CACNA1E: variants seen among roughly 807,000 people sequenced by gnomAD.
The protein encoded by CACNA1E is calcium voltage-gated channel subunit alpha1 E.
A neutral mutation model predicts 259.2 loss-of-function variants in CACNA1E; 40 were observed. The ratio of observed to expected loss-of-function variants is 0.15; its 90% confidence interval spans 0.12 to 0.20. The LOEUF is 0.20. Among genes scored for constraint, CACNA1E ranks in the 10% least tolerant of loss-of-function variants. CACNA1E has a pLI of 1.00. For missense variants in CACNA1E, 1,874 were observed against 3,040.1 expected (o/e 0.62, Z 9.02); for synonymous variants, 1,104 against 1,138.5 (o/e 0.97, Z 0.61).
chr1:181,705,065 C>T (rs1652661365), intron 7 of CACNA1E, among the ~76,000 whole-genome samples: 1 of 152,190 alleles, frequency 6.6e-6, no homozygotes, highest in Admixed American at 6.5e-5. Context: ...GACCGAAGAC[C>T]CTCCTAGTAT....
intron 3 of CACNA1E, among the ~76,000 whole-genome samples, chr1:181,518,687 A>C (rs1666773414): frequency 6.6e-6 from 1 of 152,002 alleles, no homozygotes. Flanking sequence ...TCATGTATGC[A>C]CTCTGTCTTT....
intron 6 of CACNA1E, among the ~76,000 whole-genome samples, chr1:181,609,127 C>T (rs923500864): frequency 6.6e-6 from 1 of 152,196 alleles, no homozygotes; most frequent in Non-Finnish European, 1.5e-5. Context: ...GGCTACCTCC[C>T]GCCAGTCTCT....
chr1:181,803,178 C>T lies in CACNA1E; in HGVS notation c.*4344C>T, dbSNP rs993606547. The stretch of plus-strand genomic sequence containing the variant: ...AGCTCTCTCACCCAGCCTACAAGTC[C>T]TTCTCTCATAGATCCCAGAGCAATG... On this transcript the variant is annotated 3_prime_UTR_variant, in exon 48 of 48. Coordinates refer to ENST00000367573, the MANE Select transcript of CACNA1E (RefSeq NM_001205293.3). 6.6e-6 allele frequency: 1 copy of T among 152,198 alleles called. No homozygotes were observed. Among genetic ancestry groups the T allele is most frequent in the Non-Finnish European group, 1.5e-5 (1 of 68,064 alleles). 9.4% of individuals were successfully genotyped at this position (152,198 alleles called of 1,614,324 possible).
At chr1:181,679,626 C>T (rs755832810) in intron 7 of CACNA1E, among the ~76,000 whole-genome samples, 1 of 152,170 alleles carries the variant, frequency 6.6e-6, no homozygotes, top group Admixed American at 6.5e-5. Flanking sequence ...AGAGAGGCCA[C>T]ACTCACAAGG....
At chr1:181,706,379 G>A (rs181051076) in intron 7 of CACNA1E, among the ~76,000 whole-genome samples, 8 of 152,204 alleles carry the variant, frequency 5.3e-5, no homozygotes, top group East Asian at 1.9e-4. Context: ...GCTTTGTTTC[G>A]CAGGTCTGGC....
At chr1:181,633,380 C>T (rs1000624500) in intron 6 of CACNA1E, among the ~76,000 whole-genome samples, 4 of 151,954 alleles carry the variant, frequency 2.6e-5, no homozygotes, top group South Asian at 4.2e-4. Context: ...GCACTGTTTC[C>T]GATTCATGCA....
chr1:181,681,593 A>G (rs965856110), intron 7 of CACNA1E, among the ~76,000 whole-genome samples: 1 of 150,782 alleles, frequency 6.6e-6, no homozygotes, highest in African/African-American at 2.4e-5. Flanking sequence ...AGACCTAATC[A>G]TGTTACTCCC....
At chr1:181,368,992 T>C (rs1654491776) in intron 1 of CACNA1E, among the ~76,000 whole-genome samples, 1 of 152,160 alleles carries the variant, frequency 6.6e-6, no homozygotes. Flanking sequence ...CTGCTAGGAT[T>C]TGTATGAATG....
chr1:181,358,144 T>C (rs1328326617), intron 1 of CACNA1E, among the ~76,000 whole-genome samples: 1 of 151,998 alleles, frequency 6.6e-6, no homozygotes, highest in Admixed American at 6.6e-5. Context: ...CCAGGCCGGG[T>C]CCACAGCTAG....
chr1:181,525,062 G>A (rs542558780), intron 3 of CACNA1E, among the ~76,000 whole-genome samples: 8 of 152,290 alleles, frequency 5.3e-5, no homozygotes, highest in Non-Finnish European at 8.8e-5. Context: ...TAAGATACCT[G>A]CCCCCAAGGA....
intron 27 of CACNA1E, among the ~76,000 whole-genome samples, chr1:181,754,186 G>A (rs770581047): frequency 4.6e-5 from 7 of 152,222 alleles, no homozygotes; most frequent in Non-Finnish European, 8.8e-5. Context: ...GATGAGATTC[G>A]TTAATAGGCC....
At chr1:181,487,910 A>AGGAAG (rs1663987446) in intron 1 of CACNA1E, among the ~76,000 whole-genome samples, 3 of 152,232 alleles carry the variant, frequency 2.0e-5, no homozygotes, top group Non-Finnish European at 4.4e-5. Flanking sequence ...GCAGGGGAGA[A>AGGAAG]CATGCTTCGT....
intron 1 of CACNA1E, among the ~76,000 whole-genome samples, chr1:181,509,594 T>G (rs574786370): frequency 9.8e-5 from 15 of 152,306 alleles, no homozygotes; most frequent in Admixed American, 4.6e-4. Flanking sequence ...AGCTGGTGAT[T>G]CCCTCTTTCT....
At chr1:181,490,103 T>A (rs775037081) in intron 1 of CACNA1E, among the ~76,000 whole-genome samples, 4 of 152,206 alleles carry the variant, frequency 2.6e-5, no homozygotes, top group Non-Finnish European at 5.9e-5. Context: ...CTTTGCTCAC[T>A]GAGCACCCCA....
chr1:181,550,902 G>T (rs1436000494), intron 3 of CACNA1E, among the ~76,000 whole-genome samples: 1 of 152,062 alleles, frequency 6.6e-6, no homozygotes, highest in Non-Finnish European at 1.5e-5. Context: ...AAGGCTCTGA[G>T]CCCCTTGGAA....
At chr1:181,795,787 T>TATATATATATATATATATA (rs1410248740) in intron 46 of CACNA1E, among the ~76,000 whole-genome samples, 53 of 143,664 alleles carry the variant, frequency 3.7e-4, no homozygotes, top group South Asian at 7.0e-4. Context: ...TATATATATA[T>TATATATATATATATATATA]TAGTCTGGCT....
At chr1:181,754,534 G>A (rs974991906) in intron 27 of CACNA1E, among the ~76,000 whole-genome samples, 1 of 152,124 alleles carries the variant, frequency 6.6e-6, no homozygotes, top group African/African-American at 2.4e-5. Flanking sequence ...GTCTCTGGAG[G>A]TCTGTTGCCT....
At chr1:181,467,072 G>A (rs552597225) in intron 2 of CACNA1E, among the ~76,000 whole-genome samples, 2 of 152,322 alleles carry the variant, frequency 1.3e-5, no homozygotes, top group South Asian at 4.1e-4. Flanking sequence ...TGAGTGCTTA[G>A]CTAATGGCAG....
At position 181,510,574 on chromosome 1, in the gene CACNA1E, C is replaced by T. The variant is rs2102618557; in HGVS notation, c.364C>T (p.Arg122Ter). ...LPEDDKTPMS[R>*]RLEKTEPYFI... ...TGAGGATGACAAGACCCCCATGTCC[C>T]GAAGACTGGTATGTGATTCCCCTCC... The change falls in exon 2 of 48, where the codon CGA becomes TGA. Residue 122 changes from arginine (R) to a stop codon, truncating the protein, a stop_gained. Transcript: ENST00000367573. LOFTEE classifies it high-confidence loss of function. 1 of 1,604,080 alleles carries T rather than the reference C, an allele frequency of 6.2e-7. No individual in the cohort carries two copies. Among genetic ancestry groups the T allele is most frequent in the Non-Finnish European group, 8.5e-7 (1 of 1,170,912 alleles).
Sources: allele counts gnomAD v4.1 joint callset (sites outside exome capture counted in the v4.1 genomes callset), GRCh38; gene constraint gnomAD v4.1.1; transcripts MANE v1.5; gene names NCBI Gene and HGNC (gene_info 2026-07-23, HGNC 2026-07-21).